QTMAN: variants seen among roughly 807,000 people sequenced by gnomAD.
QTMAN encodes queuosine-tRNA mannosyltransferase.
the QTMAN span, among the ~76,000 whole-genome samples, chr2:144,190,550 G>A: frequency 6.6e-6 from 1 of 152,094 alleles, no homozygotes; most frequent in African/African-American, 2.4e-5. Context: ...CTGAAGCAAA[G>A]GAAACCAAGT....
chr2:144,125,244 T>C, the QTMAN span, among the ~76,000 whole-genome samples: 1 of 152,036 alleles, frequency 6.6e-6, no homozygotes, highest in Non-Finnish European at 1.5e-5. Context: ...AGGCTTTTTT[T>C]TTTCTTTTTA....
chr2:144,318,118 T>C, the QTMAN span, among the ~76,000 whole-genome samples: 1 of 151,982 alleles, frequency 6.6e-6, no homozygotes, highest in Non-Finnish European at 1.5e-5. Flanking sequence ...GGGATATCAA[T>C]GTTAAAAACC....
the QTMAN span, among the ~76,000 whole-genome samples, chr2:144,043,458 A>G: frequency 6.6e-6 from 1 of 152,072 alleles, no homozygotes; most frequent in Non-Finnish European, 1.5e-5. Context: ...GCATGGTGAA[A>G]CCCCATCTCT....
At chr2:143,951,933 G>T in the QTMAN span, 5 of 851,128 alleles carry the variant, frequency 5.9e-6, no homozygotes, top group South Asian at 1.5e-5. Context: ...ATTTTTCTTT[G>T]TACTTCAATA....
the QTMAN span, among the ~76,000 whole-genome samples, chr2:144,010,485 G>C: frequency 5.9e-5 from 9 of 152,072 alleles, no homozygotes; most frequent in Non-Finnish European, 1.2e-4. Flanking sequence ...AATGGAGGTA[G>C]GGCACATAGA....
chr2:144,101,308 G>C, the QTMAN span, among the ~76,000 whole-genome samples: 2 of 152,042 alleles, frequency 1.3e-5, no homozygotes, highest in Admixed American at 1.3e-4. Flanking sequence ...ATGGACCTTT[G>C]TACCTTAGCC....
At chr2:144,203,549 G>A in the QTMAN span, among the ~76,000 whole-genome samples, 3 of 152,094 alleles carry the variant, frequency 2.0e-5, no homozygotes, top group African/African-American at 7.2e-5. Context: ...GGCGAAGCTA[G>A]TAGGCTGAAT....
At chr2:144,266,290 A>C in the QTMAN span, among the ~76,000 whole-genome samples, 1 of 152,188 alleles carries the variant, frequency 6.6e-6, no homozygotes, top group Non-Finnish European at 1.5e-5. Flanking sequence ...TCTTAGAAAG[A>C]GGGGTAACAT....
At chr2:144,036,995 T>C in the QTMAN span, among the ~76,000 whole-genome samples, 1 of 152,218 alleles carries the variant, frequency 6.6e-6, no homozygotes, top group East Asian at 1.9e-4. Flanking sequence ...TGAAAAATTA[T>C]GCTAAGGCAA....
At chr2:144,033,235 T>C in the QTMAN span, among the ~76,000 whole-genome samples, 1 of 152,218 alleles carries the variant, frequency 6.6e-6, no homozygotes, top group Admixed American at 6.5e-5. Flanking sequence ...GGTTAAGTAC[T>C]ACAAGAGTGT....
At chr2:144,048,395 C>T in the QTMAN span, among the ~76,000 whole-genome samples, 2 of 152,190 alleles carry the variant, frequency 1.3e-5, no homozygotes, top group African/African-American at 4.8e-5. Context: ...CAAATATTTA[C>T]TGAGATCATA....
At chr2:144,007,344 T>G in the QTMAN span, 2 of 1,613,230 alleles carry the variant, frequency 1.2e-6, no homozygotes, top group East Asian at 4.5e-5. Flanking sequence ...TCTTAATGAG[T>G]TACCCAAATA....
the QTMAN span, chr2:144,177,336 A>G: frequency 1.7e-6 from 1 of 598,838 alleles, no homozygotes; most frequent in Non-Finnish European, 3.0e-6. Flanking sequence ...ATGAAAAACA[A>G]TAGCCAAGTA....
the QTMAN span, among the ~76,000 whole-genome samples, chr2:144,069,249 C>T: frequency 6.9e-6 from 1 of 145,134 alleles, no homozygotes; most frequent in Admixed American, 7.1e-5. Context: ...TTACCTTCGA[C>T]AGGATTTGGT....
At chr2:143,978,975 T>A in the QTMAN span, among the ~76,000 whole-genome samples, 1 of 152,336 alleles carries the variant, frequency 6.6e-6, no homozygotes, top group South Asian at 2.1e-4. Context: ...AGGTCCAGTT[T>A]AAGAGACTCT....
chr2:144,171,318 A>G, the QTMAN span, among the ~76,000 whole-genome samples: 2 of 152,124 alleles, frequency 1.3e-5, no homozygotes, highest in South Asian at 2.1e-4. Flanking sequence ...CGAAATCCCA[A>G]TTGTACTCTG....
chr2:144,298,451 A>G, the QTMAN span, among the ~76,000 whole-genome samples: 1 of 152,364 alleles, frequency 6.6e-6, no homozygotes, highest in South Asian at 2.1e-4. Context: ...TAACTGGTAA[A>G]AGGTATGGGG....
the QTMAN span, chr2:143,947,142 CGAG>C: frequency 8.1e-6 from 13 of 1,602,538 alleles, no homozygotes; most frequent in Non-Finnish European, 1.0e-5. Context: ...CACCCTGCAA[CGAG>C]GAGGAGGGAG....
chr2:144,141,143 G>A, the QTMAN span, among the ~76,000 whole-genome samples: 384 of 152,000 alleles, frequency 2.5e-3, 1 homozygote, highest in African/African-American at 8.6e-3. Flanking sequence ...AAACAGCAGC[G>A]TCTCCTGCTA....
Sources: allele counts gnomAD v4.1 joint callset (sites outside exome capture counted in the v4.1 genomes callset), GRCh38; gene constraint gnomAD v4.1.1; transcripts MANE v1.5; gene names NCBI Gene and HGNC (gene_info 2026-07-23, HGNC 2026-07-21).